The following DCHS1 variants were observed in gnomAD, a reference collection of about 807,000 sequenced individuals.
DCHS1 encodes protocadherin-16.
In DCHS1, 78 loss-of-function variants were observed where a neutral mutation model predicts 213.9. The observed-to-expected ratio is 0.36, with a 90% CI of 0.30 to 0.44. The LOEUF (loss-of-function observed/expected upper bound fraction) is 0.44. DCHS1 is among the 20% of genes least tolerant of loss of function. DCHS1 has a pLI of 1.00. For synonymous variants in DCHS1, 1,828 were observed against 1,873.7 expected (o/e 0.98, Z 0.63); for missense variants, 3,946 against 4,395.9 (o/e 0.90, Z 2.89).
Position 6,632,828 on chromosome 11 carries a change from G to A in DCHS1, c.2684C>T (p.Pro895Leu), listed in dbSNP as rs770204157. The change falls in exon 6 of 21, where the codon CCT becomes CTT. Residue 895 changes from proline to leucine, a missense_variant. Pro to Leu is a moderately conservative substitution (Grantham distance 98, BLOSUM62 -3). Transcript: ENST00000299441. This position sits in a 1 kb window ranked among gnomAD's most constrained non-coding sequence, Gnocchi z 5.9. ...DDVNDNSPAFPAPEDTVLLPP... is the reference protein window; with the variant it reads ...DDVNDNSPAFLAPEDTVLLPP... ...TAGCAATACCGTGTCTTCAGGTGCA[G>A]GAAAGGCAGGGGAGTTGTCATTCAC... The A allele has an allele frequency of 2.0e-5, 32 of 1,613,892 alleles. No homozygotes were observed. The highest frequency in any genetic ancestry group is 3.3e-4 in the Middle Eastern group (2 of 6,084).
Position 6,630,230 on chromosome 11 carries a change from C to A in DCHS1, c.4564G>T (p.Ala1522Ser), listed in dbSNP as rs1349078969. ...ACGCGCGCTGCACGACGGCGGCTGG[C>A]GTTGGCGGGCCGGTCGGTGGCTTCC... Reference protein sequence around the residue: ...LVEATDRPANASRRRAARVSA... With the variant: ...LVEATDRPANSSRRRAARVSA... Residue 1522 changes from alanine (A) to serine (S), a missense_variant, in exon 10 of 21, where the codon GCC becomes TCC. Around this residue, in one of 3 missense-constraint regions of DCHS1, gnomAD observed 3,384 missense variants for 3,780.1 expected, o/e 0.90. Transcript: ENST00000299441. The A allele has an allele frequency of 1.9e-6, 3 of 1,555,908 alleles. No individual in the cohort carries two copies. Among genetic ancestry groups the A allele is most frequent in the South Asian group, 2.3e-5 (2 of 85,162 alleles).
chr11:6,645,030 T>C (rs569455719), intron 1 of DCHS1, among the ~76,000 whole-genome samples: 140 of 152,342 alleles, frequency 9.2e-4, no homozygotes, highest in Non-Finnish European at 1.6e-3. Context: ...GGCTGCGCAT[T>C]ATGTCCGTAA....
chr11:6,629,070 G>A (rs1728770721), intron 12 of DCHS1, among the ~76,000 whole-genome samples: 1 of 152,210 alleles, frequency 6.6e-6, no homozygotes, highest in Non-Finnish European at 1.5e-5. Flanking sequence ...GGCACTAAAT[G>A]AGGTATGAAA....
chr11:6,645,895 C>T (rs762990844), intron 1 of DCHS1, among the ~76,000 whole-genome samples: 6 of 152,158 alleles, frequency 3.9e-5, no homozygotes, highest in Non-Finnish European at 7.3e-5. Context: ...CATGCTCATA[C>T]ACACGTGCGC....
Position 6,625,760 on chromosome 11 carries a change from T to A in DCHS1, c.6732-33A>T, listed in dbSNP as rs377428258. 6.3e-7 allele frequency: 1 copy of A among 1,596,060 alleles called. No individual in the cohort carries two copies. The highest frequency in any genetic ancestry group is 8.5e-7 in the Non-Finnish European group (1 of 1,170,488). ...CAAAGCACAATCATCGGGTGGGACA[T>A]GGCAATAAGGGGGAACTCTGGGCAG... On this transcript the variant is annotated intron_variant, in intron 17 of 20. Coordinates refer to ENST00000299441, the MANE Select transcript of DCHS1 (RefSeq NM_003737.4). The surrounding 1 kb of genome is among the most constrained non-coding windows in gnomAD (Gnocchi z 5.3).
chr11:6,642,117 C>T (rs189732652), intron 1 of DCHS1, among the ~76,000 whole-genome samples: 90 of 152,236 alleles, frequency 5.9e-4, no homozygotes, highest in Non-Finnish European at 1.1e-3. Context: ...TTTCCTGAAC[C>T]GTCAACCTTT....
Position 6,629,511 on chromosome 11 carries a change from C to T in DCHS1, c.5102G>A (p.Gly1701Asp). The change falls in exon 12 of 21, where the codon GGT (glycine) becomes GAT (aspartate). Residue 1701 changes from glycine to aspartate, a missense_variant. Transcript: ENST00000299441. The part of the protein sequence containing the change: ...SESFSLDPDT[G>D]VLTTLRALDR... The stretch of plus-strand genomic sequence containing the variant: ...CAGGGCCCGAAGAGTCGTGAGAACA[C>T]CAGTGTCAGGATCCAGAGAAAAGCT... The T allele has an allele frequency of 6.2e-7, 1 of 1,613,378 alleles. No homozygotes were observed. Among genetic ancestry groups the T allele is most frequent in the Non-Finnish European group, 8.5e-7 (1 of 1,179,614 alleles).
At position 6,622,519 on chromosome 11, in the gene DCHS1, C is replaced by A. The variant is rs1284921816; in HGVS notation, c.9157G>T (p.Val3053Leu). 6.3e-7 allele frequency: 1 copy of A among 1,578,244 alleles called. No individual in the cohort carries two copies. The highest frequency in any genetic ancestry group is 1.3e-5 in the African/African-American group (1 of 74,356). Residue 3053 changes from valine (V) to leucine (L), a missense_variant, in exon 21 of 21, where the codon GTG becomes TTG. Around this residue, in one of 3 missense-constraint regions of DCHS1, gnomAD observed 554 missense variants for 590.2 expected, o/e 0.94. Transcript: ENST00000299441. This position sits in a 1 kb window ranked among gnomAD's most constrained non-coding sequence, Gnocchi z 5.4. ...EIRMINEFPR[V>L]ASVASSLAAR... ...GCCAGAGAGGAGGCCACACTGGCCA[C>A]ACGGGGGAACTCATTGATCATGCGG...
intron 2 of DCHS1, among the ~76,000 whole-genome samples, chr11:6,637,792 T>TC (rs1856007047): frequency 6.6e-6 from 1 of 152,066 alleles, no homozygotes. Flanking sequence ...CACATGAATC[T>TC]CCCCTCTATA....
chr11:6,634,805 C>T (rs1855965442), intron 2 of DCHS1: 1 of 152,072 alleles, frequency 6.6e-6, no homozygotes, highest in African/African-American at 2.4e-5. Flanking sequence ...GTAAATAGAC[C>T]TGAAAGGGAC....
At position 6,621,629 on chromosome 11, in the gene DCHS1, G is replaced by T; in HGVS notation, c.*150C>A. The T allele has an allele frequency of 1.1e-6, 1 of 874,880 alleles. No homozygotes were observed. The highest frequency in any genetic ancestry group is 1.8e-6 in the Non-Finnish European group (1 of 543,538). 54.2% of individuals were successfully genotyped at this position (874,880 alleles called of 1,614,324 possible). A position where few individuals can be genotyped will look rare whatever the true frequency, so the allele number is the denominator to read the frequency against. ...CTTCTGTGGTCCTAGTACTCTGAGG[G>T]GGCTGGGGAGTTCAGGGTGGAGAGC... On this transcript the variant is annotated 3_prime_UTR_variant, in exon 21 of 21. Coordinates refer to ENST00000299441, the MANE Select transcript of DCHS1 (RefSeq NM_003737.4).
Position 6,628,859 on chromosome 11 carries a change from A to T in DCHS1, c.5162-29T>A. ...TGGGGAAGCAAAATCAATGAGGTCT[A>T]GTCTGCCCTCACCACATGGAGAAAT... On this transcript the variant is annotated intron_variant, in intron 12 of 20. Transcript: ENST00000299441. This position sits in a 1 kb window ranked among gnomAD's most constrained non-coding sequence, Gnocchi z 4.3. 6.3e-7 allele frequency: 1 copy of T among 1,594,426 alleles called. No individual in the cohort carries two copies. The highest frequency in any genetic ancestry group is 1.1e-5 in the South Asian group (1 of 88,580).
At position 6,632,725 on chromosome 11, in the gene DCHS1, G is replaced by A. The variant is rs1294851128; in HGVS notation, c.2787C>T (p.Val929=). Residue 929 remains valine (V), a synonymous_variant, in exon 6 of 21, where the codon GTC becomes GTT. Transcript: ENST00000299441. This position sits in a 1 kb window ranked among gnomAD's most constrained non-coding sequence, Gnocchi z 5.9. ...CACCCCCAGCAAGCAGGGTAAAGGT[G>A]ACTCGACTGTTAACACCTGAGTCGG... ...LDPDSGVNSR[V]TFTLLAGGGG... 1 of 1,605,312 alleles carries A rather than the reference G, an allele frequency of 6.2e-7. No individual in the cohort carries two copies. The highest frequency in any genetic ancestry group is 1.1e-5 in the South Asian group (1 of 89,452).
chr11:6,630,349 G>C lies in DCHS1; in HGVS notation c.4445C>G (p.Pro1482Arg), dbSNP rs2134625845. ...VRYRLLRQEP[P>R]VPALRLDART... ...CGCGTCCAGGCGAAGCGCCGGCACG[G>C]GCGGCTCCTGGCGCAGCAGGCGGTA... Residue 1482 changes from proline (P) to arginine (R), a missense_variant, in exon 10 of 21, where the codon CCC (proline) becomes CGC (arginine). Coordinates refer to ENST00000299441, the MANE Select transcript of DCHS1 (RefSeq NM_003737.4). 1 of 1,311,626 alleles carries C rather than the reference G, an allele frequency of 7.6e-7. No individual in the cohort carries two copies. Among genetic ancestry groups the C allele is most frequent in the African/African-American group, 1.6e-5 (1 of 63,120 alleles). The allele number at this position is 1,311,626 out of a possible 1,614,324, so 81.2% of individuals were successfully genotyped here.
Position 6,630,788 on chromosome 11 carries a change from C to A in DCHS1, c.4006G>T (p.Val1336Leu). 6.5e-7 allele frequency: 1 copy of A among 1,546,702 alleles called. No individual in the cohort carries two copies. Among genetic ancestry groups the A allele is most frequent in the Non-Finnish European group, 8.7e-7 (1 of 1,146,174 alleles). The change falls in exon 10 of 21, where the codon GTG becomes TTG. Residue 1336 changes from valine to leucine, a missense_variant. By Grantham distance (32) the Val-to-Leu change is conservative. Transcript: ENST00000299441. ...CCCTCAGCTGCTGTCACCGTCAGCACGACAGGCACTGGTGCCGCTGGGTCC... is the reference window on the plus strand; with the variant it reads ...CCCTCAGCTGCTGTCACCGTCAGCAAGACAGGCACTGGTGCCGCTGGGTCC... Reference protein sequence around the residue: ...ERDPAAPVPVVLTVTAAEGLR... With the variant: ...ERDPAAPVPVLLTVTAAEGLR...
chr11:6,634,126 C>T lies in DCHS1; in HGVS notation c.1978G>A (p.Val660Met), dbSNP rs776994461. ...PSSFDFTVTAVDGGGLKSMVY... is the reference protein window; with the variant it reads ...PSSFDFTVTAMDGGGLKSMVY... ...TTGGTCTACTGACTTACCCCATCCA[C>T]AGCTGTCACTGTGAAGTCAAAGCTT... The change falls in exon 3 of 21, where the codon GTG becomes ATG. Residue 660 changes from valine (V) to methionine (M), a missense_variant. Val to Met is a conservative substitution (Grantham distance 21). Around this residue, in one of 3 missense-constraint regions of DCHS1, gnomAD observed 3,384 missense variants for 3,780.1 expected, o/e 0.90. Coordinates refer to ENST00000299441, the MANE Select transcript of DCHS1 (RefSeq NM_003737.4). The T allele has an allele frequency of 1.9e-6, 3 of 1,604,076 alleles. No homozygotes were observed. Among genetic ancestry groups the T allele is most frequent in the Admixed American group, 3.4e-5 (2 of 59,470 alleles).
rs747884932 is a variant in DCHS1 at position 6,633,865 on chromosome 11, C to T, written c.2142G>A (p.Gln714=). Residue 714 remains glutamine, a synonymous_variant, in exon 4 of 21, where the codon CAG becomes CAA. Coordinates refer to ENST00000299441, the MANE Select transcript of DCHS1 (RefSeq NM_003737.4). ...VLRLRAHDPD[Q]GSHGRLSYHI... The stretch of plus-strand genomic sequence containing the variant: ...GGTAGGAGAGTCGCCCATGGGATCC[C>T]TGGTCAGGGTCATGGGCACGCAACC... 4 of 1,613,980 alleles carry T rather than the reference C, an allele frequency of 2.5e-6. No homozygotes were observed. The South Asian group carries it at 3.3e-5, about 13-fold the overall frequency.
Position 6,621,463 on chromosome 11 carries a change from A to C in DCHS1, c.*316T>G. The C allele has an allele frequency of 2.2e-6, 1 of 461,424 alleles. No homozygotes were observed. The highest frequency in any genetic ancestry group is 4.1e-6 in the Non-Finnish European group (1 of 244,402). 28.6% of individuals were successfully genotyped at this position (461,424 alleles called of 1,614,324 possible). A position where few individuals can be genotyped will look rare whatever the true frequency, so the allele number is the denominator to read the frequency against. ...TTGGAGGGACCTCCTCCATCCCCCTACCCCCAATAAATAAAGTCTCAGCTC... is the reference window on the plus strand; with the variant it reads ...TTGGAGGGACCTCCTCCATCCCCCTCCCCCCAATAAATAAAGTCTCAGCTC... On this transcript the variant is annotated 3_prime_UTR_variant, in exon 21 of 21. Coordinates refer to ENST00000299441, the MANE Select transcript of DCHS1 (RefSeq NM_003737.4).
chr11:6,633,768 C>A, intron 4 of DCHS1, 21 bp downstream of exon 4: 1 of 1,607,834 alleles, frequency 6.2e-7, no homozygotes, highest in Non-Finnish European at 8.5e-7. Flanking sequence ...GGGAAGGCCC[C>A]GGGAATGGGA....
Sources: gnomAD v4.1 joint callset for allele counts (sites outside exome capture counted in the v4.1 genomes callset) on GRCh38, gnomAD v4.1.1 for gene constraint, gnomAD v4.1.1 regional missense constraint, Gnocchi (gnomAD v3.1) non-coding constraint, MANE v1.5 for transcripts, NCBI Gene and HGNC (gene_info 2026-07-23, HGNC 2026-07-21) for gene names.